Variants in CCDC158 observed in about 807,000 individuals in gnomAD.
CCDC158 encodes the protein coiled-coil domain containing 158, also known as coiled-coil domain-containing protein 158.
In CCDC158, 116 loss-of-function variants were observed where a neutral mutation model predicts 138.6. The observed-to-expected ratio is 0.84, with a 90% CI of 0.72 to 0.98. CCDC158 has a LOEUF of 0.98. Ranked by LOEUF, CCDC158 falls within the 50% of genes least tolerant of loss-of-function variation. The pLI is 0.00. For missense variants in CCDC158, 1,265 were observed against 1,306.1 expected (o/e 0.97, Z 0.48); for synonymous variants, 436 against 442.4 (o/e 0.99, Z 0.18).
intron 21 of CCDC158, among the ~76,000 whole-genome samples, chr4:76,331,038 T>C (rs1720960849): frequency 6.6e-6 from 1 of 152,208 alleles, no homozygotes; most frequent in African/African-American, 2.4e-5. Context: ...TAGCCCCTAT[T>C]CTAACTAGAT....
chr4:76,392,124 T>C (rs28789083), intron 4 of CCDC158, among the ~76,000 whole-genome samples: 4,478 of 151,996 alleles, frequency 0.029, 218 homozygotes, highest in African/African-American at 0.1. Context: ...CATTCTATGA[T>C]GGCAGTTATT....
chr4:76,360,308 G>A (rs1199732544), intron 13 of CCDC158, among the ~76,000 whole-genome samples: 4 of 152,246 alleles, frequency 2.6e-5, no homozygotes, highest in African/African-American at 4.8e-5. Context: ...CTAGGGTAGT[G>A]CAGAGGGGAA....
chr4:76,338,938 C>T (rs531478425), intron 18 of CCDC158, among the ~76,000 whole-genome samples: 15 of 152,106 alleles, frequency 9.9e-5, no homozygotes, highest in East Asian at 3.9e-4. Context: ...AGACTGCCAA[C>T]GAAAAGAAAG....
At chr4:76,348,220 C>T (rs570146712) in intron 18 of CCDC158, among the ~76,000 whole-genome samples, 1 of 146,570 alleles carries the variant, frequency 6.8e-6, no homozygotes, top group Non-Finnish European at 1.5e-5. Context: ...GTCAGGAGAT[C>T]GAGACCATCC....
chr4:76,383,527 A>T lies in CCDC158; in HGVS notation c.803+135T>A, dbSNP rs1726477593. ...ACCAGGGTCAGGAAAACAAAATGTT[A>T]ACATGAGTTTCCTATAAACCTATAA... On this transcript the variant is annotated intron_variant, in intron 7 of 24. Transcript: ENST00000682701. 14 of 629,162 alleles carry T rather than the reference A, an allele frequency of 2.2e-5. No individual in the cohort carries two copies. The Admixed American group carries it at 3.5e-4, about 16-fold the overall frequency. 39.0% of individuals were successfully genotyped at this position (629,162 alleles called of 1,614,324 possible).
intron 3 of CCDC158, 142 bp from the exon 4 acceptor site, chr4:76,396,628 A>T (rs1203112765): frequency 1.7e-6 from 1 of 602,384 alleles, no homozygotes; most frequent in African/African-American, 1.9e-5. Context: ...CTCCTGCCTC[A>T]GCCTCCTGAG....
intron 13 of CCDC158, among the ~76,000 whole-genome samples, chr4:76,361,652 G>A (rs1478533209): frequency 6.6e-6 from 1 of 152,108 alleles, no homozygotes; most frequent in Non-Finnish European, 1.5e-5. Flanking sequence ...ACCATAAACT[G>A]GAGTGTTTCA....
chr4:76,360,709 T>A (rs1724047808), intron 13 of CCDC158, among the ~76,000 whole-genome samples: 1 of 152,236 alleles, frequency 6.6e-6, no homozygotes, highest in African/African-American at 2.4e-5. Flanking sequence ...ATCTACCCAG[T>A]GCCTGTACCC....
chr4:76,329,587 T>G (rs1345098366), intron 21 of CCDC158, among the ~76,000 whole-genome samples: 1 of 152,058 alleles, frequency 6.6e-6, no homozygotes, highest in East Asian at 1.9e-4. Flanking sequence ...CTGTCTCAAA[T>G]AAATAAATAA....
chr4:76,362,043 C>G, intron 13 of CCDC158, 83 bp downstream of exon 13: 1 of 1,086,996 alleles, frequency 9.2e-7, no homozygotes, highest in Admixed American at 2.2e-5. Flanking sequence ...AGACACCCTT[C>G]TTTTGCAATT....
At chr4:76,381,416 C>T (rs1004449886) in intron 8 of CCDC158, among the ~76,000 whole-genome samples, 3 of 152,252 alleles carry the variant, frequency 2.0e-5, no homozygotes, top group Non-Finnish European at 4.4e-5. Flanking sequence ...TATTTCAGAG[C>T]TTTAAGATTT....
At chr4:76,411,818 T>C (rs954491223) in intron 2 of CCDC158, among the ~76,000 whole-genome samples, 3 of 143,710 alleles carry the variant, frequency 2.1e-5, no homozygotes, top group African/African-American at 9.0e-5. Context: ...TTTCTTTAAA[T>C]CTAAGCGCCA....
intron 18 of CCDC158, 137 bp from the exon 19 acceptor site, chr4:76,334,304 A>C: frequency 1.5e-6 from 1 of 688,328 alleles, no homozygotes; most frequent in Non-Finnish European, 2.4e-6. Flanking sequence ...CCACAAGCTT[A>C]TTACACAGAG....
At chr4:76,343,729 A>C (rs1722275722) in intron 18 of CCDC158, among the ~76,000 whole-genome samples, 1 of 152,204 alleles carries the variant, frequency 6.6e-6, no homozygotes, top group African/African-American at 2.4e-5. Flanking sequence ...TGAACCCAGG[A>C]GACGGAGGTC....
chr4:76,404,445 A>C (rs974495615), intron 2 of CCDC158, among the ~76,000 whole-genome samples: 1 of 152,226 alleles, frequency 6.6e-6, no homozygotes, highest in Non-Finnish European at 1.5e-5. Context: ...AGTAGGCTCA[A>C]ACAAGAATTT....
chr4:76,332,898 G>A (rs1200113556), intron 19 of CCDC158, among the ~76,000 whole-genome samples: 1 of 152,212 alleles, frequency 6.6e-6, no homozygotes, highest in African/African-American at 2.4e-5. Flanking sequence ...GCAAGGGTCT[G>A]TAACTTTTAC....
At position 76,334,209 on chromosome 4, in the gene CCDC158, T is replaced by C. The variant is rs749831707; in HGVS notation, c.2665-42A>G. 8.9e-6 allele frequency: 13 copies of C among 1,463,594 alleles called. No homozygotes were observed. The East Asian group carries it at 3.1e-4, about 34-fold the overall frequency. 90.7% of individuals were successfully genotyped at this position (1,463,594 alleles called of 1,614,324 possible). On this transcript the variant is annotated intron_variant, in intron 18 of 24. Transcript: ENST00000682701. ...TACAAAGACACTTATTTTTTCAGAT[T>C]TCTATGCTATTTCCTATCACAAAAT...
At chr4:76,364,859 C>A (rs545272843) in intron 12 of CCDC158, among the ~76,000 whole-genome samples, 1 of 152,276 alleles carries the variant, frequency 6.6e-6, no homozygotes, top group South Asian at 2.1e-4. Context: ...TTTGGCTGTT[C>A]AAAAAGGATT....
rs531574462 is a variant in CCDC158, at chr4:76,331,905, T to C, written c.2883-502A>G. Among the ~76,000 whole-genome samples the C allele has an allele frequency of 5.9e-5, 9 of 152,318 alleles. No individual in the cohort carries two copies. The East Asian group carries it at 1.7e-3, about 29-fold the overall frequency. On this transcript the variant is annotated intron_variant, in intron 20 of 24. Transcript: ENST00000682701. ...AAATAATGAATTAACATTAGCCTTTTTTCTTTTTTGGCTAAAGTCAATTTT... is the reference window on the plus strand; with the variant it reads ...AAATAATGAATTAACATTAGCCTTTCTTCTTTTTTGGCTAAAGTCAATTTT...
Sources: allele counts gnomAD v4.1 joint callset (sites outside exome capture counted in the v4.1 genomes callset), GRCh38; gene constraint gnomAD v4.1.1; transcripts MANE v1.5; gene names NCBI Gene and HGNC (gene_info 2026-07-23, HGNC 2026-07-21).